The following RSPO4 variants were observed in gnomAD, a reference collection of about 807,000 sequenced individuals.
RSPO4 encodes the protein R-spondin 4, also known as R-spondin-4.
A neutral mutation model predicts 24.8 loss-of-function variants in RSPO4; 23 were observed. The ratio of observed to expected loss-of-function variants is 0.93; its 90% CI spans 0.67 to 1.31. RSPO4 has a LOEUF of 1.31. Ranked by LOEUF, RSPO4 falls within the 40% of genes most tolerant of loss-of-function variation. The probability of loss-of-function intolerance (pLI) is 0.00; values close to 1 mark genes in which losing one functional copy is unlikely to be tolerated. For synonymous variants in RSPO4, 141 were observed against 127.4 expected (o/e 1.11, Z -0.72); for missense variants, 333 against 316.5 (o/e 1.05, Z -0.39).
At chr20:995,524 C>G (rs1294608186) in intron 1 of RSPO4, among the ~76,000 whole-genome samples, 1 of 151,540 alleles carries the variant, frequency 6.6e-6, no homozygotes, top group South Asian at 2.1e-4. Flanking sequence ...TTTAGGGCCC[C>G]GACACATCAT....
intron 1 of RSPO4, among the ~76,000 whole-genome samples, chr20:979,173 G>C (rs11906310): frequency 1.3e-3 from 204 of 151,984 alleles, no homozygotes; most frequent in African/African-American, 4.9e-3. Context: ...TCCCTACCCC[G>C]TTCCCTGCTC....
intron 1 of RSPO4, among the ~76,000 whole-genome samples, chr20:999,060 A>C (rs919338298): frequency 6.8e-6 from 1 of 147,910 alleles, no homozygotes; most frequent in Non-Finnish European, 1.5e-5. Context: ...ATCACGGCTC[A>C]CTGCAGCCTT....
chr20:999,176 T>C (rs1173197417), intron 1 of RSPO4, among the ~76,000 whole-genome samples: 1 of 152,026 alleles, frequency 6.6e-6, no homozygotes, highest in Non-Finnish European at 1.5e-5. Context: ...TTGTATTTTT[T>C]TATAGAGACA....
intron 1 of RSPO4, among the ~76,000 whole-genome samples, chr20:971,453 T>C (rs903013895): frequency 6.6e-6 from 1 of 152,240 alleles, no homozygotes; most frequent in African/African-American, 2.4e-5. Context: ...TGCAAAAAGC[T>C]AACCCTCTGC....
At position 960,159 on chromosome 20, in the gene RSPO4, G is replaced by A. The variant is rs1267351114; in HGVS notation, c.*198C>T. On this transcript the variant is annotated 3_prime_UTR_variant, in exon 5 of 5. Coordinates refer to ENST00000217260, the MANE Select transcript of RSPO4 (RefSeq NM_001029871.4). ...AGGGAGGGAGAAAGGAGAGGAGAAT[G>A]GAGGTGGAAGAAATAAAGGAAATAA... 112 of 592,068 alleles carry A rather than the reference G, an allele frequency of 1.9e-4. No homozygotes were observed. The East Asian group carries it at 3.0e-3, about 16-fold the overall frequency. The allele number at this position is 592,068 out of a possible 1,614,324, so 36.7% of individuals were successfully genotyped here.
At chr20:965,370 C>T (rs892119278) in intron 3 of RSPO4, among the ~76,000 whole-genome samples, 4 of 152,006 alleles carry the variant, frequency 2.6e-5, no homozygotes, top group African/African-American at 7.2e-5. Flanking sequence ...CTGGGCAAGC[C>T]GGAGAATAAG....
intron 1 of RSPO4, among the ~76,000 whole-genome samples, chr20:983,210 C>A (rs1984796909): frequency 6.6e-6 from 1 of 152,122 alleles, no homozygotes; most frequent in South Asian, 2.1e-4. Flanking sequence ...TTGCTCCTGT[C>A]CCACCTTGGA....
At chr20:983,317 T>C (rs968785406) in intron 1 of RSPO4, among the ~76,000 whole-genome samples, 1 of 152,206 alleles carries the variant, frequency 6.6e-6, no homozygotes. Flanking sequence ...AGCAGAGCCT[T>C]GGTCTTGATA....
intron 3 of RSPO4, among the ~76,000 whole-genome samples, chr20:964,825 CACACACATAT>C (rs771827745): frequency 0.029 from 2,984 of 101,154 alleles, 68 homozygotes; most frequent in Middle Eastern, 0.087. Flanking sequence ...CACACACACA[CACACACATAT>C]ATATATATAT....
intron 1 of RSPO4, among the ~76,000 whole-genome samples, chr20:985,653 T>C (rs1440448298): frequency 6.6e-6 from 1 of 152,232 alleles, no homozygotes; most frequent in Non-Finnish European, 1.5e-5. Flanking sequence ...TCAGACATCC[T>C]CTCTAGGACT....
chr20:978,816 GT>G (rs1422889735), intron 1 of RSPO4, among the ~76,000 whole-genome samples: 1 of 151,832 alleles, frequency 6.6e-6, no homozygotes, highest in Non-Finnish European at 1.5e-5. Context: ...AGAGAGGTGA[GT>G]ACAAGATGAT....
At position 967,913 on chromosome 20, in the gene RSPO4, C is replaced by T. The variant is rs200409672; in HGVS notation, c.268+37G>A. On this transcript the variant is annotated intron_variant, in intron 2 of 4. Coordinates refer to ENST00000217260, the MANE Select transcript of RSPO4 (RefSeq NM_001029871.4). ...GATCTAAGCCCATGGTGTCTAGGAG[C>T]CCAGCACTAGCATAGAACAAGGGAG... is the stretch of plus-strand genomic sequence containing the variant. 4.6e-5 allele frequency: 74 copies of T among 1,597,890 alleles called. No individual in the cohort carries two copies. The African/African-American group carries it at 7.4e-4, about 16-fold the overall frequency.
chr20:988,831 G>A (rs1192349574), intron 1 of RSPO4, among the ~76,000 whole-genome samples: 2 of 152,156 alleles, frequency 1.3e-5, no homozygotes, highest in Non-Finnish European at 1.5e-5. Flanking sequence ...GATAACAGGC[G>A]AGAGCCACTG....
At chr20:966,491 G>A (rs1317928768) in intron 3 of RSPO4, among the ~76,000 whole-genome samples, 1 of 151,948 alleles carries the variant, frequency 6.6e-6, no homozygotes, top group Non-Finnish European at 1.5e-5. Context: ...GAAGGACAGA[G>A]AGCTGAGGTG....
chr20:985,337 C>A (rs6056420), intron 1 of RSPO4, among the ~76,000 whole-genome samples: 41,021 of 149,376 alleles, frequency 0.27, 9,534 homozygotes, highest in African/African-American at 0.63. Flanking sequence ...TCCACCCAAC[C>A]ATCTATCCGT....
At position 1,002,201 on chromosome 20, in the gene RSPO4, G is replaced by T; in HGVS notation, c.-37C>A. The T allele has an allele frequency of 2.0e-6, 3 of 1,478,522 alleles. No individual in the cohort carries two copies. The highest frequency in any genetic ancestry group is 2.7e-6 in the Non-Finnish European group (3 of 1,109,380). The allele number at this position is 1,478,522 out of a possible 1,614,324, so 91.6% of individuals were successfully genotyped here. On this transcript the variant is annotated 5_prime_UTR_variant, in exon 1 of 5. Transcript: ENST00000217260. The surrounding 1 kb of genome is among the most constrained non-coding windows in gnomAD (Gnocchi z 4.6). The stretch of plus-strand genomic sequence containing the variant: ...GATCCGGGCTGGCGCTCCCCAGGCG[G>T]CCCGACGGCCCAAGGGCCCCACGTC...
intron 1 of RSPO4, among the ~76,000 whole-genome samples, chr20:996,936 T>C (rs1985309608): frequency 6.6e-6 from 1 of 152,176 alleles, no homozygotes; most frequent in South Asian, 2.1e-4. Flanking sequence ...CTCCCCCCGA[T>C]GGGGTTCCTC....
At chr20:990,475 T>TTCCTTCTTTCCTTCCTTCCC (rs1985062667) in intron 1 of RSPO4, among the ~76,000 whole-genome samples, 1 of 151,850 alleles carries the variant, frequency 6.6e-6, no homozygotes, top group Non-Finnish European at 1.5e-5. Flanking sequence ...CCTTCCTTCC[T>TTCCTTCTTTCCTTCCTTCCC]TCCTTCTTTC....
At chr20:963,738 T>A (rs1984079849) in intron 4 of RSPO4, among the ~76,000 whole-genome samples, 197 bp downstream of exon 4, 1 of 152,166 alleles carries the variant, frequency 6.6e-6, no homozygotes, top group Admixed American at 6.5e-5. Flanking sequence ...CCTAATGTAT[T>A]TGGGACTGAA....
Sources: gnomAD v4.1 joint callset for allele counts (sites outside exome capture counted in the v4.1 genomes callset) on GRCh38, gnomAD v4.1.1 for gene constraint, Gnocchi (gnomAD v3.1) non-coding constraint, MANE v1.5 for transcripts, NCBI Gene and HGNC (gene_info 2026-07-23, HGNC 2026-07-21) for gene names.